The following TENM4 variants were observed in gnomAD, a reference collection of about 807,000 sequenced individuals.
The protein encoded by TENM4 is teneurin-4.
Under a neutral mutation model 243.3 loss-of-function variants are expected in TENM4, and 82 were observed. The observed-to-expected ratio is 0.34, with a 90% CI of 0.28 to 0.40. The LOEUF (loss-of-function observed/expected upper bound fraction) is 0.40. Ranked by LOEUF, TENM4 falls within the 10% of genes least tolerant of loss-of-function variation. TENM4 has a pLI of 1.00. For synonymous variants in TENM4, 1,412 were observed against 1,456.3 expected (o/e 0.97, Z 0.69); for missense variants, 3,138 against 3,673.3 (o/e 0.85, Z 3.77).
Position 78,890,030 on chromosome 11 carries a change from G to A in TENM4, c.849-10C>T. On this transcript the variant is annotated splice_polypyrimidine_tract_variant and intron_variant, in intron 8 of 33. Coordinates refer to ENST00000278550, the MANE Select transcript of TENM4 (RefSeq NM_001098816.3). ...CTTGAAGAGGAAGTGCCTGCAGATG[G>A]AGAGCAGCAAGAGGGTGTCAGGGGC... The A allele has an allele frequency of 1.3e-6, 2 of 1,526,694 alleles. No individual in the cohort carries two copies. The highest frequency in any genetic ancestry group is 1.2e-5 in the South Asian group (1 of 80,572). 94.6% of individuals were successfully genotyped at this position (1,526,694 alleles called of 1,614,324 possible). A position where few individuals can be genotyped will look rare whatever the true frequency, so the allele number is the denominator to read the frequency against.
chr11:78,811,421 C>T (rs141124485), intron 14 of TENM4, among the ~76,000 whole-genome samples: 1 of 152,258 alleles, frequency 6.6e-6, no homozygotes, highest in Non-Finnish European at 1.5e-5. Flanking sequence ...TAGAAATATT[C>T]ATTTATTTCA....
intron 27 of TENM4, among the ~76,000 whole-genome samples, chr11:78,703,893 C>G (rs573023319): frequency 9.8e-4 from 148 of 151,012 alleles, no homozygotes; most frequent in African/African-American, 3.4e-3. Flanking sequence ...ACTCTGTCAC[C>G]CGGGCTGGAG....
At chr11:79,268,202 G>T (rs1327955827) in intron 2 of TENM4, among the ~76,000 whole-genome samples, 1 of 152,120 alleles carries the variant, frequency 6.6e-6, no homozygotes, top group East Asian at 1.9e-4. Context: ...TCCCTAAAGG[G>T]CTGGGCTGTA....
chr11:78,967,649 G>C (rs1008376333), intron 6 of TENM4, among the ~76,000 whole-genome samples: 3 of 152,198 alleles, frequency 2.0e-5, no homozygotes, highest in African/African-American at 7.2e-5. Flanking sequence ...GGGCAAATAA[G>C]GATGCCTGAT....
intron 15 of TENM4, among the ~76,000 whole-genome samples, chr11:78,800,739 GA>G (rs1247938899): frequency 0.048 from 775 of 16,256 alleles, 2 homozygotes; most frequent in African/African-American, 0.095. Context: ...TCACAGGGGA[GA>G]GAGAGAGAGA....
intron 6 of TENM4, among the ~76,000 whole-genome samples, chr11:78,957,591 T>C (rs1386441215): frequency 6.6e-6 from 1 of 152,200 alleles, no homozygotes; most frequent in African/African-American, 2.4e-5. Flanking sequence ...ACTGGATTGG[T>C]AGTCAAAACA....
chr11:78,965,464 T>C (rs1857419337), intron 6 of TENM4, among the ~76,000 whole-genome samples: 1 of 152,200 alleles, frequency 6.6e-6, no homozygotes, highest in Non-Finnish European at 1.5e-5. Context: ...TCTAATGAGC[T>C]TGAGATAACC....
intron 1 of TENM4, among the ~76,000 whole-genome samples, chr11:79,410,153 C>T (rs1858668088): frequency 6.6e-6 from 1 of 152,222 alleles, no homozygotes; most frequent in Admixed American, 6.5e-5. Flanking sequence ...GCGGGTTGGA[C>T]AAGCTTGCTC....
intron 12 of TENM4, among the ~76,000 whole-genome samples, chr11:78,834,452 C>T (rs1483334361): frequency 2.6e-5 from 4 of 152,100 alleles, no homozygotes. Flanking sequence ...GAGTGAGATG[C>T]CAAAAAGCTC....
At chr11:78,764,756 A>G (rs1168093660) in intron 18 of TENM4, among the ~76,000 whole-genome samples, 2 of 152,218 alleles carry the variant, frequency 1.3e-5, no homozygotes, top group African/African-American at 2.4e-5. Flanking sequence ...TCACGCCTCT[A>G]AAGGATTTGG....
intron 15 of TENM4, among the ~76,000 whole-genome samples, chr11:78,801,103 T>C (rs895941356): frequency 6.6e-6 from 1 of 152,118 alleles, no homozygotes; most frequent in Non-Finnish European, 1.5e-5. Context: ...AATGGCAACA[T>C]GAACACCTCT....
intron 6 of TENM4, chr11:78,924,695 T>C (rs1591133783): frequency 6.6e-6 from 1 of 152,220 alleles, no homozygotes; most frequent in East Asian, 1.9e-4. Context: ...CCCTAACAGC[T>C]GTCTGCCACT....
At chr11:79,357,681 A>G (rs887514757) in intron 1 of TENM4, among the ~76,000 whole-genome samples, 15 of 152,350 alleles carry the variant, frequency 9.8e-5, no homozygotes, top group African/African-American at 3.6e-4. Flanking sequence ...CCCATAGTAC[A>G]GCAGGTACTA....
intron 32 of TENM4, among the ~76,000 whole-genome samples, chr11:78,662,734 C>T (rs1235686053): frequency 6.6e-6 from 1 of 152,146 alleles, no homozygotes; most frequent in Non-Finnish European, 1.5e-5. Flanking sequence ...AGGACTATGC[C>T]GTTGAGACCC....
At chr11:78,891,533 G>C (rs573618415) in intron 7 of TENM4, among the ~76,000 whole-genome samples, 197 bp from the exon 8 acceptor site, 1 of 152,182 alleles carries the variant, frequency 6.6e-6, no homozygotes, top group Non-Finnish European at 1.5e-5. Flanking sequence ...AGAGAATACT[G>C]TCTATATAAA....
At chr11:79,117,117 A>G (rs1861638879) in intron 4 of TENM4, among the ~76,000 whole-genome samples, 2 of 152,116 alleles carry the variant, frequency 1.3e-5, no homozygotes, top group Admixed American at 6.5e-5. Flanking sequence ...GCACCTATTC[A>G]ATATGCTGTC....
chr11:78,984,552 T>C (rs1196302967), intron 6 of TENM4, among the ~76,000 whole-genome samples: 1 of 152,114 alleles, frequency 6.6e-6, no homozygotes, highest in Non-Finnish European at 1.5e-5. Flanking sequence ...CCATCTACAA[T>C]GTGGTTGCTG....
At chr11:78,789,127 G>A (rs1857001214) in intron 15 of TENM4, among the ~76,000 whole-genome samples, 1 of 152,136 alleles carries the variant, frequency 6.6e-6, no homozygotes. Context: ...ACAGATCCTG[G>A]TATAGAATAG....
intron 6 of TENM4, among the ~76,000 whole-genome samples, chr11:78,967,264 C>T (rs1760640096): frequency 6.6e-6 from 1 of 152,140 alleles, no homozygotes; most frequent in South Asian, 2.1e-4. Flanking sequence ...ACCATATGTG[C>T]CTAGTGCAGT....
Sources: gnomAD v4.1 joint callset for allele counts (sites outside exome capture counted in the v4.1 genomes callset) on GRCh38, gnomAD v4.1.1 for gene constraint, MANE v1.5 for transcripts, NCBI Gene and HGNC (gene_info 2026-07-23, HGNC 2026-07-21) for gene names.